The following ADCY2 variants were observed in gnomAD, a reference collection of about 807,000 sequenced individuals.
ADCY2 encodes adenylate cyclase type 2.
A neutral mutation model predicts 125.2 loss-of-function variants in ADCY2; 31 were observed. The ratio of observed to expected loss-of-function variants is 0.25; its 90% CI spans 0.19 to 0.33. The LOEUF is 0.33. Ranked by LOEUF, ADCY2 falls within the 10% of genes least tolerant of loss-of-function variation. ADCY2 has a pLI of 1.00. For missense variants in ADCY2, 904 were observed against 1,418.2 expected, an observed-to-expected ratio of 0.64 and a Z score of 5.82; for synonymous variants, 512 against 548.4, an observed-to-expected ratio of 0.93 and a Z score of 0.93.
chr5:7,525,538 CT>C (rs372709447), intron 3 of ADCY2, among the ~76,000 whole-genome samples: 13 of 151,982 alleles, frequency 8.6e-5, no homozygotes, highest in African/African-American at 2.7e-4. Context: ...GGAGCCCTGA[CT>C]TTTTTTCTTT....
chr5:7,650,181 G>A (rs888467607), intron 4 of ADCY2, among the ~76,000 whole-genome samples: 13 of 150,956 alleles, frequency 8.6e-5, no homozygotes, highest in African/African-American at 3.2e-4. Flanking sequence ...GAAACCCAAA[G>A]CCATCACTTT....
At chr5:7,473,210 TA>T (rs1290178828) in intron 2 of ADCY2, among the ~76,000 whole-genome samples, 5 of 152,194 alleles carry the variant, frequency 3.3e-5, no homozygotes, top group South Asian at 4.1e-4. Context: ...GAGTATTTTG[TA>T]AAAAACATAA....
chr5:7,777,254 CT>C (rs1314582352), intron 18 of ADCY2, among the ~76,000 whole-genome samples: 1 of 152,164 alleles, frequency 6.6e-6, no homozygotes, highest in African/African-American at 2.4e-5. Flanking sequence ...CTGTTAACCC[CT>C]TTTCTGTGAT....
intron 2 of ADCY2, among the ~76,000 whole-genome samples, chr5:7,425,185 AGT>A (rs1235861601): frequency 6.6e-6 from 1 of 152,178 alleles, no homozygotes; most frequent in Non-Finnish European, 1.5e-5. Flanking sequence ...AGGAGGTGTG[AGT>A]GGGGTCTGGG....
chr5:7,637,356 G>C (rs1236306106), intron 4 of ADCY2, among the ~76,000 whole-genome samples: 1 of 151,140 alleles, frequency 6.6e-6, no homozygotes, highest in Non-Finnish European at 1.5e-5. Flanking sequence ...TGTAATCTCA[G>C]GAGGCGGAGG....
chr5:7,568,074 T>C (rs1735961461), intron 3 of ADCY2, among the ~76,000 whole-genome samples: 1 of 152,182 alleles, frequency 6.6e-6, no homozygotes, highest in Admixed American at 6.5e-5. Flanking sequence ...TTTTTAATAG[T>C]TTGTGATCTG....
At chr5:7,775,215 A>G (rs1483634459) in intron 18 of ADCY2, among the ~76,000 whole-genome samples, 2 of 142,326 alleles carry the variant, frequency 1.4e-5, no homozygotes, top group Non-Finnish European at 3.1e-5. Flanking sequence ...GTGTGTATGC[A>G]CACACATACA....
At position 7,554,029 on chromosome 5, in the gene ADCY2, AC is replaced by A. The variant is rs1179855869; in HGVS notation, c.570+33131del. ...GAAACATGGAAGGCTTAGAAGTTATACAAGTGAAAATCAGCCATTCAAGCAT... is the reference window on the plus strand; with the variant it reads ...GAAACATGGAAGGCTTAGAAGTTATAAAGTGAAAATCAGCCATTCAAGCAT... On this transcript the variant is annotated intron_variant, in intron 3 of 24. Coordinates refer to ENST00000338316, the MANE Select transcript of ADCY2 (RefSeq NM_020546.3). Among the ~76,000 whole-genome samples, 3 of 152,218 alleles carry A rather than the reference AC, an allele frequency of 2.0e-5. No homozygotes were observed. In the East Asian group the frequency reaches 5.8e-4, roughly 29 times the overall value.
chr5:7,808,670 G>T (rs1744839283), intron 22 of ADCY2, among the ~76,000 whole-genome samples: 2 of 152,142 alleles, frequency 1.3e-5, no homozygotes, highest in South Asian at 4.1e-4. Context: ...CAGCCTCTCT[G>T]GTGCTGCTTC....
In ADCY2 at chr5:7,815,568, A is replaced by G. The variant is rs140208388; in HGVS notation, c.2884-1298A>G. 3.3e-5 allele frequency among the ~76,000 whole-genome samples: 5 copies of G among 152,378 alleles called. No homozygotes were observed. In the East Asian group the frequency reaches 9.6e-4, roughly 29 times the overall value. ...GCATATACTAATAATGTAACAAAAA[A>G]TAGAAACTTTTAAAAAGGTGAAATT... On this transcript the variant is annotated intron_variant, in intron 22 of 24. Coordinates refer to ENST00000338316, the MANE Select transcript of ADCY2 (RefSeq NM_020546.3).
intron 2 of ADCY2, among the ~76,000 whole-genome samples, chr5:7,448,039 A>G (rs1433385249): frequency 1.3e-5 from 2 of 152,290 alleles, no homozygotes; most frequent in South Asian, 4.1e-4. Flanking sequence ...ATCTTGGCAC[A>G]AGCACCCCTC....
intron 3 of ADCY2, among the ~76,000 whole-genome samples, chr5:7,532,754 G>A (rs1734692141): frequency 6.6e-6 from 1 of 152,044 alleles, no homozygotes; most frequent in Admixed American, 6.6e-5. Context: ...CTTTTGTAAT[G>A]TGGGACAATT....
At chr5:7,506,837 G>A (rs1467252985) in intron 2 of ADCY2, among the ~76,000 whole-genome samples, 1 of 134,788 alleles carries the variant, frequency 7.4e-6, no homozygotes. Context: ...ACCCAGGCTG[G>A]AGTGCAGTGG....
intron 2 of ADCY2, among the ~76,000 whole-genome samples, chr5:7,503,760 G>A (rs17826487): frequency 0.085 from 12,922 of 152,234 alleles, 759 homozygotes; most frequent in Non-Finnish European, 0.13. Flanking sequence ...AGAGATCAGC[G>A]CCAATGTGCA....
chr5:7,561,742 G>A (rs748442878), intron 3 of ADCY2, among the ~76,000 whole-genome samples: 3 of 152,150 alleles, frequency 2.0e-5, no homozygotes, highest in Admixed American at 1.3e-4. Flanking sequence ...GAAGATACAC[G>A]TCACTGTGTT....
At chr5:7,641,793 T>G (rs1405036860) in intron 4 of ADCY2, among the ~76,000 whole-genome samples, 3 of 152,174 alleles carry the variant, frequency 2.0e-5, no homozygotes, top group Non-Finnish European at 4.4e-5. Flanking sequence ...TTCTGTGTTT[T>G]GTGTTAATTT....
Position 7,755,754 on chromosome 5 carries a change from C to G in ADCY2, c.1957-1695C>G, listed in dbSNP as rs190144643. 6.6e-5 allele frequency among the ~76,000 whole-genome samples: 10 copies of G among 152,312 alleles called. No homozygotes were observed. In the East Asian group the frequency reaches 1.2e-3, roughly 18 times the overall value. ...TGATTCTTTAACCTTCTCAACTCCT[C>G]TCTCCTGTGTTTAGACGATCATTCA... On this transcript the variant is annotated intron_variant, in intron 15 of 24. Coordinates refer to ENST00000338316, the MANE Select transcript of ADCY2 (RefSeq NM_020546.3).
At chr5:7,776,774 G>A (rs925127403) in intron 18 of ADCY2, among the ~76,000 whole-genome samples, 3 of 152,172 alleles carry the variant, frequency 2.0e-5, no homozygotes, top group African/African-American at 7.2e-5. Flanking sequence ...TGGCTTGCTG[G>A]CTCTTATGGT....
At chr5:7,699,081 ATTTTTTTTTTTTTTTTTT>A (rs561359357) in intron 7 of ADCY2, among the ~76,000 whole-genome samples, 3 of 37,962 alleles carry the variant, frequency 7.9e-5, no homozygotes, top group East Asian at 1.4e-3. Flanking sequence ...AACAGTAAGC[ATTTTTTTTTTTTTTTTTT>A]TTTTTTTTTT....
Sources: gnomAD v4.1 joint callset for allele counts (sites outside exome capture counted in the v4.1 genomes callset) on GRCh38, gnomAD v4.1.1 for gene constraint, MANE v1.5 for transcripts, NCBI Gene and HGNC (gene_info 2026-07-23, HGNC 2026-07-21) for gene names.